Variants in AOPEP observed in about 807,000 individuals in gnomAD.
The protein encoded by AOPEP is aminopeptidase O.
A neutral mutation model predicts 98.1 loss-of-function variants in AOPEP; 77 were observed. The ratio of observed to expected loss-of-function variants is 0.78; its 90% CI spans 0.65 to 0.95. The LOEUF (loss-of-function observed/expected upper bound fraction) is 0.95, where lower values mean the gene tolerates loss of function less well. Among genes scored for constraint, AOPEP ranks in the 40% least tolerant of loss-of-function variants. The pLI is 0.00. For synonymous variants in AOPEP, 346 were observed against 365.3 expected (o/e 0.95, Z 0.60); for missense variants, 1,024 against 1,024.7 (o/e 1.00, Z 0.01).
intron 13 of AOPEP, among the ~76,000 whole-genome samples, chr9:95,030,921 C>T (rs540630365): frequency 6.6e-6 from 1 of 152,250 alleles, no homozygotes; most frequent in East Asian, 1.9e-4. Flanking sequence ...CTCCTGCTTT[C>T]TGGCTTTTAT....
chr9:95,020,341 C>G (rs188734923), intron 13 of AOPEP: 1 of 152,148 alleles, frequency 6.6e-6, no homozygotes, highest in African/African-American at 2.4e-5. Flanking sequence ...GAAGGCCATC[C>G]TTTGTAGACT....
intron 5 of AOPEP, among the ~76,000 whole-genome samples, chr9:94,804,810 G>A (rs767091284): frequency 1.6e-4 from 25 of 152,192 alleles, no homozygotes; most frequent in Non-Finnish European, 3.1e-4. Flanking sequence ...ATGCTATGAA[G>A]AAAATAAAAT....
chr9:95,090,782 A>AG, downstream of AOPEP, among the ~76,000 whole-genome samples: 2 of 152,346 alleles, frequency 1.3e-5, no homozygotes, highest in South Asian at 4.1e-4. Flanking sequence ...AAGAAACACC[A>AG]GGGAAGACGG....
chr9:94,867,368 G>C (rs925477009), intron 5 of AOPEP, among the ~76,000 whole-genome samples: 3 of 152,278 alleles, frequency 2.0e-5, no homozygotes, highest in African/African-American at 4.8e-5. Flanking sequence ...GGAATGTCTA[G>C]TCATTTCAGT....
In AOPEP at chr9:94,760,136, A is replaced by G. The variant is rs1386409503; in HGVS notation, c.353A>G (p.Asn118Ser). ...DTSDKDGNHD[N>S]QEHASGISSS... is the part of the protein sequence containing the mutation. ...TCTGATAAAGATGGTAACCATGACA[A>G]CCAGGAACATGCTTCTGGGATTTCT... The change falls in exon 2 of 17, where the codon AAC becomes AGC. Residue 118 changes from asparagine to serine, a missense_variant. This residue lies in a region of AOPEP where 440 missense variants were observed against 433.8 expected (regional missense o/e 1.01). Coordinates refer to ENST00000375315, the MANE Select transcript of AOPEP (RefSeq NM_001193329.3). The G allele has an allele frequency of 6.8e-6, 11 of 1,614,100 alleles. No homozygotes were observed. The highest frequency in any genetic ancestry group is 9.3e-6 in the Non-Finnish European group (11 of 1,180,040).
chr9:94,780,355 C>T (rs1180771704), intron 3 of AOPEP, among the ~76,000 whole-genome samples: 1 of 151,284 alleles, frequency 6.6e-6, no homozygotes, highest in Non-Finnish European at 1.5e-5. Context: ...ATCTGTGGAC[C>T]TTTTTTTTTC....
intron 13 of AOPEP, among the ~76,000 whole-genome samples, chr9:95,016,649 G>C (rs1367831106): frequency 3.3e-5 from 5 of 151,782 alleles, no homozygotes; most frequent in Non-Finnish European, 7.4e-5. Context: ...GTCTCATTCT[G>C]TCACCCAGGC....
At chr9:94,884,320 A>T (rs2047933245) in intron 5 of AOPEP, among the ~76,000 whole-genome samples, 1 of 152,218 alleles carries the variant, frequency 6.6e-6, no homozygotes, top group Non-Finnish European at 1.5e-5. Context: ...CAAACCCAAG[A>T]TAGCTATTCT....
chr9:94,898,202 G>T (rs1036122220), intron 5 of AOPEP, among the ~76,000 whole-genome samples: 3 of 152,156 alleles, frequency 2.0e-5, no homozygotes, highest in Non-Finnish European at 4.4e-5. Context: ...AGTGTAGGTG[G>T]CTAAATAAGC....
intron 11 of AOPEP, 137 bp downstream of exon 11, chr9:94,979,564 CAG>C (rs1329048819): frequency 9.8e-6 from 6 of 611,844 alleles, no homozygotes; most frequent in African/African-American, 9.1e-5. Context: ...ATCTGTAAGT[CAG>C]AACACTAGTC....
chr9:95,039,234 G>T (rs1201783507), intron 13 of AOPEP, among the ~76,000 whole-genome samples: 1 of 152,086 alleles, frequency 6.6e-6, no homozygotes, highest in Non-Finnish European at 1.5e-5. Flanking sequence ...AGTATTGTGG[G>T]CATGAGAAAA....
At chr9:94,824,764 C>T (rs1375222821) in intron 5 of AOPEP, 7 of 151,982 alleles carry the variant, frequency 4.6e-5, no homozygotes, top group African/African-American at 9.7e-5. Flanking sequence ...ATAATAAATT[C>T]GAGAAAATAA....
At position 95,044,914 on chromosome 9, in the gene AOPEP, G is replaced by T. The variant is rs953091426; in HGVS notation, c.2116-15780G>T. ...TACATTTGAGGGTTACATTTGGTAG[G>T]ATCATGGGTTGCGTCAGTCCCTCTC... On this transcript the variant is annotated intron_variant, in intron 13 of 16. Transcript: ENST00000375315. Among the ~76,000 whole-genome samples the T allele has an allele frequency of 5.9e-5, 9 of 152,204 alleles. No individual in the cohort carries two copies. The East Asian group carries it at 1.4e-3, about 23-fold the overall frequency.
chr9:95,059,850 A>G (rs866154531), intron 13 of AOPEP, among the ~76,000 whole-genome samples: 21 of 152,348 alleles, frequency 1.4e-4, no homozygotes, highest in African/African-American at 5.1e-4. Context: ...CCTACAAGGC[A>G]TATCTCAAAT....
chr9:95,000,666 C>A (rs963881524), intron 11 of AOPEP, among the ~76,000 whole-genome samples: 1 of 152,118 alleles, frequency 6.6e-6, no homozygotes, highest in Non-Finnish European at 1.5e-5. Context: ...CAAGATTGCA[C>A]CATTGCACTC....
intron 1 of AOPEP, among the ~76,000 whole-genome samples, chr9:94,738,328 C>A (rs1564039409): frequency 6.6e-6 from 1 of 152,184 alleles, no homozygotes. Flanking sequence ...CTGCTCAGGA[C>A]AACACCTGGG....
intron 14 of AOPEP, chr9:95,065,437 TC>T (rs1199250023): frequency 1.3e-5 from 2 of 152,244 alleles, no homozygotes; most frequent in African/African-American, 4.8e-5. Context: ...GCCGGCACCA[TC>T]TTGGTGATGT....
At chr9:95,105,107 T>A in the AOPEP span, among the ~76,000 whole-genome samples, 2 of 152,234 alleles carry the variant, frequency 1.3e-5, no homozygotes, top group Admixed American at 6.5e-5. Flanking sequence ...TGGCAGCCAG[T>A]CGTCTTTAGC....
intron 3 of AOPEP, among the ~76,000 whole-genome samples, chr9:94,790,818 A>G (rs1845547053): frequency 6.6e-6 from 1 of 151,946 alleles, no homozygotes; most frequent in African/African-American, 2.4e-5. Flanking sequence ...CAGTAGGGGC[A>G]TGTTAATATT....
Sources: allele counts gnomAD v4.1 joint callset (sites outside exome capture counted in the v4.1 genomes callset), GRCh38; gene constraint gnomAD v4.1.1; regional missense constraint gnomAD v4.1.1; transcripts MANE v1.5; gene names NCBI Gene and HGNC (gene_info 2026-07-23, HGNC 2026-07-21).